The following NBEA variants were observed in gnomAD, a reference collection of about 807,000 sequenced individuals.
NBEA encodes lysosomal-trafficking regulator 2.
In NBEA, 44 loss-of-function variants were observed where a neutral mutation model predicts 343.4. The ratio of observed to expected loss-of-function variants is 0.13; its 90% confidence interval spans 0.10 to 0.16. The LOEUF (loss-of-function observed/expected upper bound fraction) is 0.16, where lower values mean the gene tolerates loss of function less well. Among genes scored for constraint, NBEA ranks in the 10% least tolerant of loss-of-function variants. The probability of loss-of-function intolerance (pLI) is 1.00; values close to 1 mark genes in which losing one functional copy is unlikely to be tolerated. For synonymous variants in NBEA, 1,175 were observed against 1,238.7 expected (o/e 0.95, Z 1.08); for missense variants, 2,555 against 3,631.3 (o/e 0.70, Z 7.62).
At chr13:35,507,921 C>T (rs2077132163) in intron 41 of NBEA, among the ~76,000 whole-genome samples, 1 of 152,134 alleles carries the variant, frequency 6.6e-6, no homozygotes, top group African/African-American at 2.4e-5. Flanking sequence ...TGACTGGAGT[C>T]AACCAAAGTT....
At chr13:35,090,001 G>T (rs1042228815) in intron 10 of NBEA, among the ~76,000 whole-genome samples, 1 of 151,008 alleles carries the variant, frequency 6.6e-6, no homozygotes, top group South Asian at 2.1e-4. Flanking sequence ...AATGGCACAT[G>T]TATACATATG....
At chr13:35,316,522 G>C (rs1246382375) in intron 36 of NBEA, among the ~76,000 whole-genome samples, 4 of 152,160 alleles carry the variant, frequency 2.6e-5, no homozygotes, top group African/African-American at 9.7e-5. Context: ...TGGGCATTTA[G>C]GTTAGTTCCA....
intron 17 of NBEA, among the ~76,000 whole-genome samples, chr13:35,137,844 G>A (rs1338906628): frequency 2.6e-5 from 4 of 151,954 alleles, no homozygotes; most frequent in African/African-American, 9.7e-5. Context: ...AAATGCTATA[G>A]TAGAAAGAAT....
At chr13:35,514,444 G>A (rs1423271706) in intron 41 of NBEA, among the ~76,000 whole-genome samples, 1 of 152,124 alleles carries the variant, frequency 6.6e-6, no homozygotes, top group Non-Finnish European at 1.5e-5. Context: ...GTCAGACTTG[G>A]CATGTACGCT....
At chr13:35,518,616 A>T (rs1647095061) in intron 41 of NBEA, among the ~76,000 whole-genome samples, 1 of 152,200 alleles carries the variant, frequency 6.6e-6, no homozygotes, top group Non-Finnish European at 1.5e-5. Flanking sequence ...GATGGTTAGA[A>T]TGGTATTACT....
chr13:35,046,493 C>T (rs1593574711), intron 4 of NBEA, among the ~76,000 whole-genome samples: 1 of 151,960 alleles, frequency 6.6e-6, no homozygotes, highest in East Asian at 1.9e-4. Context: ...CCGCCTTATC[C>T]ATGGGGTATA....
chr13:35,267,855 C>A (rs1242381574), intron 34 of NBEA, among the ~76,000 whole-genome samples: 5 of 149,804 alleles, frequency 3.3e-5, no homozygotes, highest in African/African-American at 9.7e-5. Context: ...GAAGAAAAAA[C>A]AATAACAAAT....
chr13:35,507,367 T>C (rs899421226), intron 41 of NBEA, among the ~76,000 whole-genome samples: 2 of 152,146 alleles, frequency 1.3e-5, no homozygotes, highest in East Asian at 1.9e-4. Flanking sequence ...ATATCCTCCA[T>C]ATACTGAAAA....
intron 41 of NBEA, among the ~76,000 whole-genome samples, chr13:35,485,541 C>T (rs1035178136): frequency 5.3e-5 from 8 of 152,016 alleles, no homozygotes; most frequent in African/African-American, 1.9e-4. Context: ...CAAAGCTTTT[C>T]GTAAAATATA....
chr13:35,418,182 G>C lies in NBEA; in HGVS notation c.6180-14087G>C, dbSNP rs1377072955. On this transcript the variant is annotated intron_variant, in intron 38 of 58. Coordinates refer to ENST00000379939, the MANE Select transcript of NBEA (RefSeq NM_001385012.1). ...TGAATACAGCACACTGATGGGTCTT[G>C]ACTGTTTATCCAGTTTGCCAGTCTG... 3.3e-5 allele frequency among the ~76,000 whole-genome samples: 5 copies of C among 152,180 alleles called. No individual in the cohort carries two copies. In the East Asian group the frequency reaches 9.7e-4, roughly 29 times the overall value.
At chr13:35,625,832 T>C (rs918710204) in intron 48 of NBEA, among the ~76,000 whole-genome samples, 6 of 152,196 alleles carry the variant, frequency 3.9e-5, no homozygotes, top group African/African-American at 9.7e-5. Flanking sequence ...TCTCTTATAC[T>C]GGCCAAAATT....
intron 41 of NBEA, among the ~76,000 whole-genome samples, chr13:35,524,786 A>G (rs2077891577): frequency 6.6e-6 from 1 of 152,228 alleles, no homozygotes; most frequent in Non-Finnish European, 1.5e-5. Context: ...TCTCTTCTAA[A>G]TAAAGGCTTA....
At chr13:34,979,801 T>A (rs2060297116) in intron 1 of NBEA, among the ~76,000 whole-genome samples, 1 of 152,244 alleles carries the variant, frequency 6.6e-6, no homozygotes, top group Admixed American at 6.5e-5. Flanking sequence ...TCCCTGTAGA[T>A]CATACAGATA....
At chr13:35,438,072 C>G (rs1461066140) in intron 39 of NBEA, among the ~76,000 whole-genome samples, 2 of 151,892 alleles carry the variant, frequency 1.3e-5, no homozygotes, top group Non-Finnish European at 2.9e-5. Flanking sequence ...TTAAATAGGT[C>G]TGATCAGGCA....
intron 17 of NBEA, among the ~76,000 whole-genome samples, chr13:35,136,216 C>T (rs921730918): frequency 6.6e-5 from 10 of 152,150 alleles, no homozygotes; most frequent in African/African-American, 2.4e-4. Flanking sequence ...CATTTCTATC[C>T]CTACAAAGCC....
At chr13:35,242,846 A>G (rs1372118170) in intron 34 of NBEA, among the ~76,000 whole-genome samples, 1 of 151,938 alleles carries the variant, frequency 6.6e-6, no homozygotes, top group Admixed American at 6.6e-5. Context: ...AGAATTTTCC[A>G]GATAAACAAG....
intron 6 of NBEA, among the ~76,000 whole-genome samples, chr13:35,055,414 T>C (rs2063219129): frequency 6.6e-6 from 1 of 151,690 alleles, no homozygotes; most frequent in Non-Finnish European, 1.5e-5. Flanking sequence ...TGTTATTAAA[T>C]ATATAATTAT....
intron 38 of NBEA, among the ~76,000 whole-genome samples, chr13:35,388,575 C>T (rs2042357684): frequency 6.6e-6 from 1 of 151,954 alleles, no homozygotes; most frequent in Non-Finnish European, 1.5e-5. Context: ...TTAATATTTC[C>T]CCTGGGTAAT....
At chr13:35,003,322 A>T (rs1232434698) in intron 1 of NBEA, among the ~76,000 whole-genome samples, 1 of 152,156 alleles carries the variant, frequency 6.6e-6, no homozygotes, top group Non-Finnish European at 1.5e-5. Context: ...GCAAGCCATG[A>T]TCATGCCACT....
Sources: gnomAD v4.1 joint callset for allele counts (sites outside exome capture counted in the v4.1 genomes callset) on GRCh38, gnomAD v4.1.1 for gene constraint, MANE v1.5 for transcripts, NCBI Gene and HGNC (gene_info 2026-07-23, HGNC 2026-07-21) for gene names.